MLLT3: variants seen among roughly 807,000 people sequenced by gnomAD.
The protein encoded by MLLT3 is protein AF-9.
A neutral mutation model predicts 53.2 loss-of-function variants in MLLT3; 4 were observed. The ratio of observed to expected loss-of-function variants is 0.08; its 90% CI spans 0.04 to 0.17. The LOEUF (loss-of-function observed/expected upper bound fraction) is 0.17, where lower values mean the gene tolerates loss of function less well. MLLT3 is among the 10% of genes least tolerant of loss of function. The pLI is 1.00. For synonymous variants in MLLT3, 283 were observed against 230.6 expected (o/e 1.23, Z -2.06); for missense variants, 569 against 684.0 (o/e 0.83, Z 1.87).
intron 2 of MLLT3, among the ~76,000 whole-genome samples, chr9:20,460,611 A>G (rs917872741): frequency 1.3e-5 from 2 of 152,154 alleles, no homozygotes; most frequent in Admixed American, 1.3e-4. Flanking sequence ...ACCCCCTTCA[A>G]AGTCAGCAAC....
chr9:20,342,035 CA>C lies in MLLT3; in HGVS notation c.*4407del, dbSNP rs2118566640. On this transcript the variant is annotated 3_prime_UTR_variant, in exon 11 of 11. Transcript: ENST00000380338. Reference sequence around the variant, plus strand: ...CTCTCTGCCTTCAGCTGGTTTTGGACACATTGTCCTCTCTCTGGATGTCTCA... The same window carrying C: ...CTCTCTGCCTTCAGCTGGTTTTGGACCATTGTCCTCTCTCTGGATGTCTCA... The C allele has an allele frequency of 4.8e-6, 1 of 208,910 alleles. No homozygotes were observed. The highest frequency in any genetic ancestry group is 7.2e-5 in the East Asian group (1 of 13,930). The allele number at this position is 208,910 out of a possible 1,614,324, so 12.9% of individuals were successfully genotyped here. A position where few individuals can be genotyped will look rare whatever the true frequency, so the allele number is the denominator to read the frequency against.
intron 5 of MLLT3, among the ~76,000 whole-genome samples, chr9:20,377,073 A>G (rs143526621): frequency 0.01 from 1,555 of 152,294 alleles, 13 homozygotes; most frequent in Middle Eastern, 0.031. Flanking sequence ...CGGGTAGAGA[A>G]AGAAAAATGT....
intron 5 of MLLT3, among the ~76,000 whole-genome samples, chr9:20,391,476 G>A (rs1822178082): frequency 6.6e-6 from 1 of 152,170 alleles, no homozygotes; most frequent in South Asian, 2.1e-4. Context: ...TTTAAGGCAT[G>A]AAACCAGAAA....
rs151208967 is a variant in MLLT3, at chr9:20,370,343, G to C, written c.1126-4599C>G. Among the ~76,000 whole-genome samples the C allele has an allele frequency of 2.9e-3, 439 of 152,178 alleles. 2 individuals are homozygous for C. Among genetic ancestry groups the C allele is most frequent in the African/African-American group, 0.01 (415 of 41,498 alleles). ...CCACAAACCGCACCCATGTAAGATA[G>C]CAAACTTAATCAATGTTGTGTATCT... On this transcript the variant is annotated intron_variant, in intron 5 of 10. Transcript: ENST00000380338.
intron 2 of MLLT3, among the ~76,000 whole-genome samples, chr9:20,557,475 T>C (rs1241086954): frequency 2.6e-5 from 4 of 152,212 alleles, no homozygotes; most frequent in African/African-American, 9.6e-5. Context: ...TTGACAGTTT[T>C]TGCCACATCA....
At chr9:20,523,213 A>G (rs1587022935) in intron 2 of MLLT3, among the ~76,000 whole-genome samples, 2 of 152,350 alleles carry the variant, frequency 1.3e-5, no homozygotes, top group South Asian at 2.1e-4. Flanking sequence ...CAGAATGCCG[A>G]TAACACTTCA....
chr9:20,594,416 T>C (rs1339353409), intron 2 of MLLT3, among the ~76,000 whole-genome samples: 1 of 152,132 alleles, frequency 6.6e-6, no homozygotes, highest in Admixed American at 6.5e-5. Context: ...CCTGAAGAAG[T>C]TACAGAAGAT....
chr9:20,546,532 A>G (rs1818792303), intron 2 of MLLT3, among the ~76,000 whole-genome samples: 1 of 141,046 alleles, frequency 7.1e-6, no homozygotes, highest in South Asian at 2.3e-4. Flanking sequence ...CAACAGAGCA[A>G]GAACCTATCA....
chr9:20,565,624 T>G (rs1173702640), intron 2 of MLLT3, among the ~76,000 whole-genome samples: 1 of 151,842 alleles, frequency 6.6e-6, no homozygotes, highest in East Asian at 1.9e-4. Flanking sequence ...CATGCCCAGG[T>G]TCACTGAAAA....
chr9:20,417,419 G>A (rs1247674520), intron 4 of MLLT3, among the ~76,000 whole-genome samples: 2 of 148,692 alleles, frequency 1.3e-5, no homozygotes, highest in African/African-American at 2.5e-5. Context: ...ATATACATGG[G>A]GGTCTTGTCA....
In MLLT3 at chr9:20,448,155, C is replaced by G; in HGVS notation, c.388G>C (p.Asp130His). 6.2e-7 allele frequency: 1 copy of G among 1,613,330 alleles called. No individual in the cohort carries two copies. The highest frequency in any genetic ancestry group is 8.5e-7 in the Non-Finnish European group (1 of 1,179,672). Residue 130 changes from aspartate to histidine, a missense_variant, in exon 4 of 11, where the codon GAC becomes CAC. Asp to His is a moderately conservative substitution (Grantham distance 81). Coordinates refer to ENST00000380338, the MANE Select transcript of MLLT3 (RefSeq NM_004529.4). This position sits in a 1 kb window ranked among gnomAD's most constrained non-coding sequence, Gnocchi z 4.0. Reference sequence around the variant, plus strand: ...GCCTTCAGCAACTTTCTCCTAAAGTCCTCTGTGGGGTTGTTGAAAGTTAGC... The same window carrying G: ...GCCTTCAGCAACTTTCTCCTAAAGTGCTCTGTGGGGTTGTTGAAAGTTAGC... ...EKLTFNNPTE[D>H]FRRKLLKAGG... is the part of the protein sequence containing the mutation.
At chr9:20,574,109 G>A (rs1160380131) in intron 2 of MLLT3, among the ~76,000 whole-genome samples, 4 of 152,134 alleles carry the variant, frequency 2.6e-5, no homozygotes, top group Non-Finnish European at 1.5e-5. Flanking sequence ...ACTACATCCA[G>A]GGTCTCTGAT....
At chr9:20,381,532 T>C (rs995619125) in intron 5 of MLLT3, among the ~76,000 whole-genome samples, 1 of 151,948 alleles carries the variant, frequency 6.6e-6, no homozygotes, top group Admixed American at 6.6e-5. Flanking sequence ...TTGCCATGTA[T>C]ATTAACCTGT....
intron 2 of MLLT3, among the ~76,000 whole-genome samples, chr9:20,497,347 T>A (rs534116177): frequency 1.8e-4 from 28 of 152,166 alleles, no homozygotes; most frequent in Non-Finnish European, 3.4e-4. Context: ...TGTTTTGACA[T>A]AAATATATAC....
At chr9:20,392,934 T>A (rs781221822) in intron 5 of MLLT3, among the ~76,000 whole-genome samples, 10 of 152,156 alleles carry the variant, frequency 6.6e-5, no homozygotes, top group African/African-American at 9.6e-5. Flanking sequence ...AGCGGGTGGA[T>A]CACCTGAGGT....
chr9:20,412,452 G>A (rs1011621601), intron 5 of MLLT3, among the ~76,000 whole-genome samples: 6 of 152,028 alleles, frequency 3.9e-5, no homozygotes, highest in Non-Finnish European at 7.3e-5. Flanking sequence ...AAAATTTCGA[G>A]ATTAGCTATA....
intron 2 of MLLT3, among the ~76,000 whole-genome samples, chr9:20,489,234 G>A (rs139969531): frequency 1.1e-3 from 174 of 152,240 alleles, no homozygotes; most frequent in African/African-American, 3.9e-3. Context: ...AATAAATTTC[G>A]TAAAATTCTT....
intron 2 of MLLT3, among the ~76,000 whole-genome samples, chr9:20,615,387 A>ACC (rs1563845266): frequency 2.8e-5 from 3 of 105,510 alleles, no homozygotes; most frequent in Non-Finnish European, 4.1e-5. Context: ...AAAAAAAAAA[A>ACC]AAAAAAAAAG....
chr9:20,548,973 C>A (rs975925501), intron 2 of MLLT3, among the ~76,000 whole-genome samples: 1 of 152,046 alleles, frequency 6.6e-6, no homozygotes, highest in Non-Finnish European at 1.5e-5. Flanking sequence ...CATCTCCATA[C>A]CCGGCTAATT....
Sources: gnomAD v4.1 joint callset for allele counts (sites outside exome capture counted in the v4.1 genomes callset) on GRCh38, gnomAD v4.1.1 for gene constraint, Gnocchi (gnomAD v3.1) non-coding constraint, MANE v1.5 for transcripts, NCBI Gene and HGNC (gene_info 2026-07-23, HGNC 2026-07-21) for gene names.